XXYLT1: variants seen among roughly 807,000 people sequenced by gnomAD.
XXYLT1 encodes UDP-xylose:alpha-xyloside alpha-1,3-xylosyltransferase.
Under a neutral mutation model 28.9 loss-of-function variants are expected in XXYLT1, and 20 were observed. The ratio of observed to expected loss-of-function variants is 0.69; its 90% CI spans 0.49 to 1.00. XXYLT1 has a LOEUF of 1.00. Among genes scored for constraint, XXYLT1 ranks in the 50% least tolerant of loss-of-function variants. XXYLT1 has a pLI of 0.00. For synonymous variants in XXYLT1, 257 were observed against 253.8 expected (o/e 1.01, Z -0.12); for missense variants, 542 against 560.1 (o/e 0.97, Z 0.33).
At chr3:195,086,330 C>T (rs1715724977) in intron 3 of XXYLT1, among the ~76,000 whole-genome samples, 1 of 152,252 alleles carries the variant, frequency 6.6e-6, no homozygotes, top group Non-Finnish European at 1.5e-5. Flanking sequence ...TCAGAACTGT[C>T]TGCTTCAGAA....
chr3:195,239,294 G>A (rs146047258), intron 1 of XXYLT1, among the ~76,000 whole-genome samples: 102 of 152,268 alleles, frequency 6.7e-4, no homozygotes, highest in Admixed American at 1.4e-3. Context: ...ATACTCTGGG[G>A]TCCTTTGCCC....
chr3:195,158,264 TC>T (rs1720705096), intron 2 of XXYLT1, among the ~76,000 whole-genome samples: 1 of 152,078 alleles, frequency 6.6e-6, no homozygotes, highest in Non-Finnish European at 1.5e-5. Flanking sequence ...TGCTCTGTGC[TC>T]CCCACATGGC....
At chr3:195,245,059 A>G (rs1577191769) in intron 1 of XXYLT1, among the ~76,000 whole-genome samples, 4 of 148,722 alleles carry the variant, frequency 2.7e-5, no homozygotes, top group East Asian at 2.1e-4. Flanking sequence ...CCAGCTACTC[A>G]GGAGGCTGAG....
chr3:195,225,467 C>T (rs1187556628), intron 2 of XXYLT1, among the ~76,000 whole-genome samples: 1 of 152,214 alleles, frequency 6.6e-6, no homozygotes, highest in Non-Finnish European at 1.5e-5. Context: ...CACTTCTGGT[C>T]TGCTGGGCTG....
chr3:195,123,273 C>T (rs1718456618), intron 3 of XXYLT1, among the ~76,000 whole-genome samples: 1 of 152,018 alleles, frequency 6.6e-6, no homozygotes, highest in African/African-American at 2.4e-5. Flanking sequence ...TGGACAAATC[C>T]CCCCAGCACA....
intron 3 of XXYLT1, among the ~76,000 whole-genome samples, chr3:195,103,441 A>ATGC (rs1560095947): frequency 2.1e-5 from 3 of 142,232 alleles, no homozygotes; most frequent in Admixed American, 7.0e-5. Context: ...CCATCACCCC[A>ATGC]CACCAGCGGC....
chr3:195,098,521 C>G (rs532417001), intron 3 of XXYLT1, among the ~76,000 whole-genome samples: 7 of 152,300 alleles, frequency 4.6e-5, no homozygotes, highest in African/African-American at 1.4e-4. Context: ...CCACTGCACT[C>G]CAGCCTGGGA....
intron 1 of XXYLT1, among the ~76,000 whole-genome samples, chr3:195,228,374 T>G (rs1421331737): frequency 6.6e-6 from 1 of 152,054 alleles, no homozygotes; most frequent in Non-Finnish European, 1.5e-5. Context: ...GCCCTTCCAG[T>G]CTCAGGGTGC....
chr3:195,201,003 G>A (rs924759516), intron 2 of XXYLT1, among the ~76,000 whole-genome samples: 10 of 152,074 alleles, frequency 6.6e-5, no homozygotes, highest in Non-Finnish European at 1.5e-4. Context: ...CCCAACCCCA[G>A]ACCTACGGAG....
chr3:195,142,391 C>G (rs1424381691), intron 3 of XXYLT1, among the ~76,000 whole-genome samples: 1 of 152,190 alleles, frequency 6.6e-6, no homozygotes, highest in Admixed American at 6.5e-5. Flanking sequence ...CTTTGGTTCC[C>G]CCTCTCCTTC....
chr3:195,095,186 T>G (rs1716356233), intron 3 of XXYLT1: 1 of 152,428 alleles, frequency 6.6e-6, no homozygotes. Flanking sequence ...TTACATCTCA[T>G]GAGACTGCCG....
At position 195,256,590 on chromosome 3, in the gene XXYLT1, G is replaced by A. The variant is rs1725487256; in HGVS notation, c.504+13965C>T. On this transcript the variant is annotated intron_variant, in intron 1 of 3. Transcript: ENST00000310380. The surrounding 1 kb of genome is among the most constrained non-coding windows in gnomAD (Gnocchi z 4.2). ...AACTTCTCACCCGCACATTCAGGATGGGGTCTGGAAAGGGCATGAGCTCTG... is the reference window on the plus strand; with the variant it reads ...AACTTCTCACCCGCACATTCAGGATAGGGTCTGGAAAGGGCATGAGCTCTG... 1 of 985,278 alleles carries A rather than the reference G, an allele frequency of 1.0e-6. No homozygotes were observed. The highest frequency in any genetic ancestry group is 1.2e-6 in the Non-Finnish European group (1 of 829,820). 61.0% of individuals were successfully genotyped at this position (985,278 alleles called of 1,614,324 possible). A position where few individuals can be genotyped will look rare whatever the true frequency, so the allele number is the denominator to read the frequency against.
rs147609913 is a variant in XXYLT1 at position 195,118,486 on chromosome 3, C to A, written c.785+37963G>T. On this transcript the variant is annotated intron_variant, in intron 3 of 3. Coordinates refer to ENST00000310380, the MANE Select transcript of XXYLT1 (RefSeq NM_152531.5). ...CATGACTCATGCAGGAAAGGCTGCA[C>A]AGGTGACGCCAGGTGTGGACATGGC... Among the ~76,000 whole-genome samples the A allele has an allele frequency of 2.6e-3, 298 of 116,050 alleles. 3 individuals are homozygous for A. The highest frequency in any genetic ancestry group is 9.1e-3 in the African/African-American group (291 of 31,874). The allele number at this position is 116,050 out of a possible 152,430, so 76.1% of individuals were successfully genotyped here.
chr3:195,202,423 A>C (rs1201006321), intron 2 of XXYLT1, among the ~76,000 whole-genome samples: 2 of 151,808 alleles, frequency 1.3e-5, no homozygotes, highest in Non-Finnish European at 2.9e-5. Flanking sequence ...AAAAAAAAAA[A>C]CTGACAGTAA....
At chr3:195,088,869 C>T (rs1355770171) in intron 3 of XXYLT1, among the ~76,000 whole-genome samples, 2 of 147,340 alleles carry the variant, frequency 1.4e-5, no homozygotes, top group East Asian at 2.0e-4. Flanking sequence ...TCGAGAACTA[C>T]GTGAAGAATG....
chr3:195,215,488 C>A (rs1181892318), intron 2 of XXYLT1, among the ~76,000 whole-genome samples: 2 of 126,970 alleles, frequency 1.6e-5, no homozygotes, highest in Admixed American at 8.1e-5. Flanking sequence ...TCTACCAAGC[C>A]AATGGAAAAC....
At chr3:195,231,293 C>T (rs1235223642) in intron 1 of XXYLT1, among the ~76,000 whole-genome samples, 2 of 151,882 alleles carry the variant, frequency 1.3e-5, no homozygotes, top group Non-Finnish European at 2.9e-5. Flanking sequence ...TTGGTGGAGT[C>T]TTTAGGTTTT....
In XXYLT1 at chr3:195,076,641, T is replaced by C. The variant is rs1576997139; in HGVS notation, c.786-6530A>G. On this transcript the variant is annotated intron_variant, in intron 3 of 3. Transcript: ENST00000310380. The surrounding 1 kb of genome is among the most constrained non-coding windows in gnomAD (Gnocchi z 5.3). Reference sequence around the variant, plus strand: ...GCCTCTCCGTTCGGCGGGCTGGAAGTCCAAGATCACAGTGCTGGCAGCTGG... The same window carrying C: ...GCCTCTCCGTTCGGCGGGCTGGAAGCCCAAGATCACAGTGCTGGCAGCTGG... 6.6e-6 allele frequency among the ~76,000 whole-genome samples: 1 copy of C among 152,122 alleles called. No individual in the cohort carries two copies. Among genetic ancestry groups the C allele is most frequent in the Admixed American group, 6.5e-5 (1 of 15,282 alleles).
intron 1 of XXYLT1, among the ~76,000 whole-genome samples, chr3:195,238,198 G>A (rs934093430): frequency 4.6e-5 from 7 of 152,064 alleles, no homozygotes; most frequent in South Asian, 4.1e-4. Context: ...GCAGTCTCCC[G>A]TCTACTGGCC....
Sources: allele counts gnomAD v4.1 joint callset (sites outside exome capture counted in the v4.1 genomes callset), GRCh38; gene constraint gnomAD v4.1.1; non-coding constraint Gnocchi (gnomAD v3.1); transcripts MANE v1.5; gene names NCBI Gene and HGNC (gene_info 2026-07-23, HGNC 2026-07-21).